Variants in SVIP observed in about 807,000 individuals in gnomAD.
The protein encoded by SVIP is small VCP/p97-interacting protein.
A neutral mutation model predicts 12.9 loss-of-function variants in SVIP; 14 were observed. That is an observed-to-expected ratio of 1.08 (90% CI 0.72 to 1.70). The LOEUF (loss-of-function observed/expected upper bound fraction) is 1.70, where lower values mean the gene tolerates loss of function less well. Ranked by LOEUF, SVIP falls within the 40% of genes most tolerant of loss-of-function variation. The probability of loss-of-function intolerance (pLI) is 0.00; values close to 1 mark genes in which losing one functional copy is unlikely to be tolerated. For synonymous variants in SVIP, 35 were observed against 33.3 expected, an observed-to-expected ratio of 1.05 and a Z score of -0.17; for missense variants, 93 against 90.8, an observed-to-expected ratio of 1.02 and a Z score of -0.10.
At chr11:22,828,499 G>T (rs1857810697) in intron 1 of SVIP, among the ~76,000 whole-genome samples, 2 of 152,188 alleles carry the variant, frequency 1.3e-5, no homozygotes. Context: ...GTAAACGTCT[G>T]TCAGATGGCA....
In SVIP at chr11:22,819,715, T is replaced by A. The variant is rs1028252397; in HGVS notation, c.*3404A>T. On this transcript the variant is annotated 3_prime_UTR_variant, in exon 4 of 4. Transcript: ENST00000354193. ...TGAACCTGGGAGGCAGAGGTTGCGG[T>A]GAGCTGAGATTGTGCCATTGCACTC... 6.6e-6 allele frequency: 1 copy of A among 152,448 alleles called. No homozygotes were observed. Among genetic ancestry groups the A allele is most frequent in the Non-Finnish European group, 1.5e-5 (1 of 68,216 alleles). The allele number at this position is 152,448 out of a possible 1,614,324, so 9.4% of individuals were successfully genotyped here. A position where few individuals can be genotyped will look rare whatever the true frequency, so the allele number is the denominator to read the frequency against.
At position 22,821,953 on chromosome 11, in the gene SVIP, T is replaced by C. The variant is rs1440501610; in HGVS notation, c.*1166A>G. 3 of 152,222 alleles carry C rather than the reference T, an allele frequency of 2.0e-5. No individual in the cohort carries two copies. Among genetic ancestry groups the C allele is most frequent in the Non-Finnish European group, 4.4e-5 (3 of 68,016 alleles). 9.4% of individuals were successfully genotyped at this position (152,222 alleles called of 1,614,324 possible). A position where few individuals can be genotyped will look rare whatever the true frequency, so the allele number is the denominator to read the frequency against. On this transcript the variant is annotated 3_prime_UTR_variant, in exon 4 of 4. Transcript: ENST00000354193. ...TTTCCTTTGTGTAAAGCAAGTGAAC[T>C]TGGTCGATTTAACTTAAAATTTCTA...
intron 2 of SVIP, 65 bp downstream of exon 2, chr11:22,827,758 AC>A (rs966292771): frequency 7.8e-7 from 1 of 1,290,180 alleles, no homozygotes; most frequent in African/African-American, 1.5e-5. Flanking sequence ...CTAGCTATGG[AC>A]ATCTATGAAG....
chr11:22,829,755 G>A lies in SVIP; in HGVS notation c.-7C>T, dbSNP rs757884629. ...AAGGAAAACACAGCCCCATAGGGAC[G>A]ACAGCTTGAGAACCCTGACCGGGTC... On this transcript the variant is annotated 5_prime_UTR_variant, in exon 1 of 4. Transcript: ENST00000354193. 4 of 1,604,520 alleles carry A rather than the reference G, an allele frequency of 2.5e-6. No homozygotes were observed. Among genetic ancestry groups the A allele is most frequent in the Middle Eastern group, 1.7e-4 (1 of 6,042 alleles).
intron 3 of SVIP, among the ~76,000 whole-genome samples, chr11:22,825,269 G>C (rs77581416): frequency 0.12 from 17,740 of 152,032 alleles, 1,288 homozygotes; most frequent in Non-Finnish European, 0.16. Flanking sequence ...AGCGTTTTGA[G>C]GGTTAAGTAC....
chr11:22,819,778 A>C lies in SVIP; in HGVS notation c.*3341T>G, dbSNP rs1024668659. ...CAAGAGTGAAACTCCATCTCAAAAAACAAAACAAAACCAAAAAAAGCCAAT... is the reference window on the plus strand; with the variant it reads ...CAAGAGTGAAACTCCATCTCAAAAACCAAAACAAAACCAAAAAAAGCCAAT... On this transcript the variant is annotated 3_prime_UTR_variant, in exon 4 of 4. Transcript: ENST00000354193. 6.5e-6 allele frequency: 1 copy of C among 152,728 alleles called. No individual in the cohort carries two copies. The highest frequency in any genetic ancestry group is 2.4e-5 in the African/African-American group (1 of 41,486). The allele number at this position is 152,728 out of a possible 1,614,324, so 9.5% of individuals were successfully genotyped here. A position where few individuals can be genotyped will look rare whatever the true frequency, so the allele number is the denominator to read the frequency against.
chr11:22,820,399 T>C lies in SVIP; in HGVS notation c.*2720A>G, dbSNP rs937328133. The C allele has an allele frequency of 6.6e-6, 1 of 152,202 alleles. No individual in the cohort carries two copies. The highest frequency in any genetic ancestry group is 6.5e-5 in the Admixed American group (1 of 15,278). 9.4% of individuals were successfully genotyped at this position (152,202 alleles called of 1,614,324 possible). A position where few individuals can be genotyped will look rare whatever the true frequency, so the allele number is the denominator to read the frequency against. ...ATTATTTCTTTAGGAAAAAACAGGATACTAATTACATCATTTTTCCTTTAT... is the reference window on the plus strand; with the variant it reads ...ATTATTTCTTTAGGAAAAAACAGGACACTAATTACATCATTTTTCCTTTAT... On this transcript the variant is annotated 3_prime_UTR_variant, in exon 4 of 4. Coordinates refer to ENST00000354193, the MANE Select transcript of SVIP (RefSeq NM_148893.3).
chr11:22,823,411 G>A (rs1207128964), intron 3 of SVIP, among the ~76,000 whole-genome samples: 4 of 152,194 alleles, frequency 2.6e-5, no homozygotes, highest in Admixed American at 6.5e-5. Context: ...AAGAGTAACT[G>A]TAGAATGTGC....
chr11:22,820,368 G>A lies in SVIP; in HGVS notation c.*2751C>T, dbSNP rs1857435059. 1 of 152,132 alleles carries A rather than the reference G, an allele frequency of 6.6e-6. No individual in the cohort carries two copies. The highest frequency in any genetic ancestry group is 2.1e-4 in the South Asian group (1 of 4,826). 9.4% of individuals were successfully genotyped at this position (152,132 alleles called of 1,614,324 possible). On this transcript the variant is annotated 3_prime_UTR_variant, in exon 4 of 4. Transcript: ENST00000354193. ...TACAAAGGATAGACAGAATTTTTATGATAGTATTATTTCTTTAGGAAAAAA... is the reference window on the plus strand; with the variant it reads ...TACAAAGGATAGACAGAATTTTTATAATAGTATTATTTCTTTAGGAAAAAA...
chr11:22,819,448 A>T lies in SVIP; in HGVS notation c.*3671T>A, dbSNP rs1474135046. ...TTTGATAACTAGAAGACATTAACTC[A>T]AAACTCAACACAAATTTGGTATTAT... On this transcript the variant is annotated 3_prime_UTR_variant, in exon 4 of 4. Coordinates refer to ENST00000354193, the MANE Select transcript of SVIP (RefSeq NM_148893.3). 1 of 152,236 alleles carries T rather than the reference A, an allele frequency of 6.6e-6. No individual in the cohort carries two copies. Among genetic ancestry groups the T allele is most frequent in the African/African-American group, 2.4e-5 (1 of 41,468 alleles). 9.4% of individuals were successfully genotyped at this position (152,236 alleles called of 1,614,324 possible). A position where few individuals can be genotyped will look rare whatever the true frequency, so the allele number is the denominator to read the frequency against.
chr11:22,821,183 T>A lies in SVIP; in HGVS notation c.*1936A>T, dbSNP rs188572012. 10 of 149,382 alleles carry A rather than the reference T, an allele frequency of 6.7e-5. No individual in the cohort carries two copies. The East Asian group carries it at 1.9e-3, about 29-fold the overall frequency. 9.3% of individuals were successfully genotyped at this position (149,382 alleles called of 1,614,324 possible). ...AGTCATGTTTTTAGTCATTTGCTTTTTTTTTTAGTCATTTACCGGTTTCTC... is the reference window on the plus strand; with the variant it reads ...AGTCATGTTTTTAGTCATTTGCTTTATTTTTTAGTCATTTACCGGTTTCTC... On this transcript the variant is annotated 3_prime_UTR_variant, in exon 4 of 4. Coordinates refer to ENST00000354193, the MANE Select transcript of SVIP (RefSeq NM_148893.3).
At chr11:22,823,239 C>CA in intron 3 of SVIP, 106 bp from the exon 4 acceptor site, 1 of 778,358 alleles carries the variant, frequency 1.3e-6, no homozygotes, top group Non-Finnish European at 2.0e-6. Context: ...CATAGAAATA[C>CA]AAAATGATTT....
rs1477914051 is a variant in SVIP at position 22,820,567 on chromosome 11, G to C, written c.*2552C>G. On this transcript the variant is annotated 3_prime_UTR_variant, in exon 4 of 4. Coordinates refer to ENST00000354193, the MANE Select transcript of SVIP (RefSeq NM_148893.3). ...TCAGGTTCTAAGTATTTAGGATGTAGTAAAGATAAAATTTTGTTAAAGAGA... is the reference window on the plus strand; with the variant it reads ...TCAGGTTCTAAGTATTTAGGATGTACTAAAGATAAAATTTTGTTAAAGAGA... 1 of 152,082 alleles carries C rather than the reference G, an allele frequency of 6.6e-6. No individual in the cohort carries two copies. The highest frequency in any genetic ancestry group is 6.5e-5 in the Admixed American group (1 of 15,270). 9.4% of individuals were successfully genotyped at this position (152,082 alleles called of 1,614,324 possible).
In SVIP at chr11:22,823,080, A is replaced by G. The variant is rs775426979; in HGVS notation, c.*39T>C. On this transcript the variant is annotated 3_prime_UTR_variant, in exon 4 of 4. Coordinates refer to ENST00000354193, the MANE Select transcript of SVIP (RefSeq NM_148893.3). ...AAGCCCACTTGATTGCAGATAATAAACAGTTATTGGCAGTAGATTCTTCTA... is the reference window on the plus strand; with the variant it reads ...AAGCCCACTTGATTGCAGATAATAAGCAGTTATTGGCAGTAGATTCTTCTA... 25 of 1,540,220 alleles carry G rather than the reference A, an allele frequency of 1.6e-5. No homozygotes were observed. Among genetic ancestry groups the G allele is most frequent in the Admixed American group, 1.2e-4 (6 of 49,746 alleles).
chr11:22,822,360 A>G lies in SVIP; in HGVS notation c.*759T>C, dbSNP rs550912756. 1 of 152,168 alleles carries G rather than the reference A, an allele frequency of 6.6e-6. No homozygotes were observed. Among genetic ancestry groups the G allele is most frequent in the Non-Finnish European group, 1.5e-5 (1 of 67,992 alleles). 9.4% of individuals were successfully genotyped at this position (152,168 alleles called of 1,614,324 possible). ...AATATATTACTACTCATTATAACCC[A>G]TCCAGATTATTAGTTTAACTCATTC... On this transcript the variant is annotated 3_prime_UTR_variant, in exon 4 of 4. Coordinates refer to ENST00000354193, the MANE Select transcript of SVIP (RefSeq NM_148893.3).
Position 22,821,135 on chromosome 11 carries a change from A to ATT in SVIP, c.*1982_*1983dup, listed in dbSNP as rs199812619. ...ATATACACACATATATAATATATAT[A>ATT]TTATATATATATATAATTTTTTAGT... On this transcript the variant is annotated 3_prime_UTR_variant, in exon 4 of 4. Coordinates refer to ENST00000354193, the MANE Select transcript of SVIP (RefSeq NM_148893.3). 5.0e-3 allele frequency: 730 copies of ATT among 145,258 alleles called. 13 individuals carry two copies. Among genetic ancestry groups the ATT allele is most frequent in the East Asian group, 0.037 (187 of 5,096 alleles). The allele number at this position is 145,258 out of a possible 1,614,324, so 9.0% of individuals were successfully genotyped here.
chr11:22,823,929 C>T (rs974035113), intron 3 of SVIP, among the ~76,000 whole-genome samples: 26 of 152,084 alleles, frequency 1.7e-4, no homozygotes, highest in African/African-American at 6.3e-4. Context: ...CGCTATGTTG[C>T]CCAGGCTGGT....
At chr11:22,824,461 C>CGTATATATATATGTATATATAT (rs1564905934) in intron 3 of SVIP, among the ~76,000 whole-genome samples, 3 of 44,186 alleles carry the variant, frequency 6.8e-5, no homozygotes, top group African/African-American at 1.6e-4. Context: ...TATATATATA[C>CGTATATATATATGTATATATAT]ACATATATAT....
rs1271404229 is a variant in SVIP at position 22,819,041 on chromosome 11, TAC to T, written c.*4076_*4077del. On this transcript the variant is annotated 3_prime_UTR_variant, in exon 4 of 4. Coordinates refer to ENST00000354193, the MANE Select transcript of SVIP (RefSeq NM_148893.3). ...TAATTTAAATTTTCCCACTTTCAAT[TAC>T]AGATTTTTCATTGCTTGCATATAAA... is the stretch of plus-strand genomic sequence containing the variant. 6.6e-6 allele frequency: 1 copy of T among 152,224 alleles called. No individual in the cohort carries two copies. The highest frequency in any genetic ancestry group is 1.9e-4 in the East Asian group (1 of 5,202). The allele number at this position is 152,224 out of a possible 1,614,324, so 9.4% of individuals were successfully genotyped here.
Sources: allele counts gnomAD v4.1 joint callset (sites outside exome capture counted in the v4.1 genomes callset), GRCh38; gene constraint gnomAD v4.1.1; transcripts MANE v1.5; gene names NCBI Gene and HGNC (gene_info 2026-07-23, HGNC 2026-07-21).